The following EPS15L1 variants were observed in gnomAD, a reference collection of about 807,000 sequenced individuals.
EPS15L1 encodes epidermal growth factor receptor substrate 15-like 1.
Under a neutral mutation model 117.1 loss-of-function variants are expected in EPS15L1, and 43 were observed. The ratio of observed to expected loss-of-function variants is 0.37; its 90% CI spans 0.29 to 0.47. EPS15L1 has a LOEUF of 0.47. Among genes scored for constraint, EPS15L1 ranks in the 20% least tolerant of loss-of-function variants. EPS15L1 has a pLI of 0.99. For missense variants in EPS15L1, 981 were observed against 1,164.0 expected, an observed-to-expected ratio of 0.84 and a Z score of 2.29; for synonymous variants, 459 against 470.5, an observed-to-expected ratio of 0.98 and a Z score of 0.32.
intron 16 of EPS15L1, among the ~76,000 whole-genome samples, chr19:16,397,987 T>C (rs952813708): frequency 6.6e-6 from 1 of 152,136 alleles, no homozygotes; most frequent in Non-Finnish European, 1.5e-5. Flanking sequence ...AGTCCAGTAT[T>C]CCAACCGACC....
chr19:16,439,606 A>G (rs989218149), intron 4 of EPS15L1, among the ~76,000 whole-genome samples: 1 of 152,154 alleles, frequency 6.6e-6, no homozygotes, highest in Non-Finnish European at 1.5e-5. Flanking sequence ...GCAGAAGATC[A>G]CTTGAACCCA....
chr19:16,419,525 G>C (rs536712150), intron 10 of EPS15L1, among the ~76,000 whole-genome samples: 4 of 151,992 alleles, frequency 2.6e-5, no homozygotes, highest in African/African-American at 4.8e-5. Flanking sequence ...TAAGGACAAG[G>C]CCTTTGGCAT....
chr19:16,400,290 T>C (rs2092585203), intron 16 of EPS15L1, among the ~76,000 whole-genome samples: 1 of 150,862 alleles, frequency 6.6e-6, no homozygotes, highest in Non-Finnish European at 1.5e-5. Context: ...TGAGCTGAGA[T>C]TGTGCCACTG....
At chr19:16,418,850 C>G (rs889089655) in intron 10 of EPS15L1, among the ~76,000 whole-genome samples, 2 of 152,200 alleles carry the variant, frequency 1.3e-5, no homozygotes, top group South Asian at 4.1e-4. Flanking sequence ...AGTGAGCCCT[C>G]ACCAGACACT....
At chr19:16,427,050 C>G (rs1023830628) in intron 8 of EPS15L1, among the ~76,000 whole-genome samples, 4 of 152,004 alleles carry the variant, frequency 2.6e-5, no homozygotes, top group Non-Finnish European at 5.9e-5. Context: ...CACAGGAAAA[C>G]TTCGTGCAGC....
chr19:16,362,215 A>G (rs2092064978), intron 22 of EPS15L1, among the ~76,000 whole-genome samples: 1 of 152,214 alleles, frequency 6.6e-6, no homozygotes, highest in Admixed American at 6.5e-5. Context: ...GATGACTCCC[A>G]TACACAACGC....
intron 4 of EPS15L1, chr19:16,440,647 A>C (rs1170318442): frequency 1.1e-5 from 4 of 354,010 alleles, no homozygotes; most frequent in East Asian, 4.6e-5. Flanking sequence ...AAAATAAATA[A>C]ATAAATAAAT....
chr19:16,459,367 G>A (rs537373599), intron 1 of EPS15L1, among the ~76,000 whole-genome samples: 3 of 152,292 alleles, frequency 2.0e-5, no homozygotes, highest in East Asian at 1.9e-4. Flanking sequence ...TGTAATGACC[G>A]GCCCCTCTCA....
rs1018296159 is a variant in EPS15L1, at chr19:16,471,922, G to C, written c.24C>G (p.Leu8=). The C allele has an allele frequency of 3.1e-6, 4 of 1,298,802 alleles. No individual in the cohort carries two copies. Among genetic ancestry groups the C allele is most frequent in the Non-Finnish European group, 9.8e-7 (1 of 1,025,360 alleles). The allele number at this position is 1,298,802 out of a possible 1,614,324, so 80.5% of individuals were successfully genotyped here. A position where few individuals can be genotyped will look rare whatever the true frequency, so the allele number is the denominator to read the frequency against. ...CCCGCCCGGCCCGTACCTGCTGGGA[G>C]AGGGGGATGAGCGGCGCCGCCATCT... The part of the protein sequence containing the change: MAAPLIP[L]SQQIPTGNSL... Residue 8 remains leucine, a synonymous_variant, in exon 1 of 24, where the codon CTC becomes CTG. Coordinates refer to ENST00000455140, the MANE Select transcript of EPS15L1 (RefSeq NM_001258374.3). The surrounding 1 kb of genome is among the most constrained non-coding windows in gnomAD (Gnocchi z 4.8).
At chr19:16,400,009 T>C (rs562414787) in intron 16 of EPS15L1, among the ~76,000 whole-genome samples, 101 of 152,286 alleles carry the variant, frequency 6.6e-4, no homozygotes, top group Non-Finnish European at 1.1e-3. Context: ...ATTCTCATAA[T>C]CAGATGATAG....
At chr19:16,468,574 G>A (rs530376383) in intron 1 of EPS15L1, among the ~76,000 whole-genome samples, 10 of 152,304 alleles carry the variant, frequency 6.6e-5, no homozygotes, top group African/African-American at 2.4e-4. Flanking sequence ...TCGAGCTCCT[G>A]GCCTCAAGCA....
At chr19:16,418,793 T>G (rs1253299040) in intron 10 of EPS15L1, among the ~76,000 whole-genome samples, 3 of 152,174 alleles carry the variant, frequency 2.0e-5, no homozygotes, top group South Asian at 2.1e-4. Flanking sequence ...TCTGCTCCTT[T>G]TGCCATGTGA....
At chr19:16,428,200 CAAAA>C (rs923222630) in intron 8 of EPS15L1, among the ~76,000 whole-genome samples, 3 of 111,922 alleles carry the variant, frequency 2.7e-5, no homozygotes, top group Non-Finnish European at 1.8e-5. Context: ...GACTCCGTAT[CAAAA>C]AAAAAAAGAA....
chr19:16,462,210 C>A (rs2145184213), intron 1 of EPS15L1, among the ~76,000 whole-genome samples: 1 of 152,322 alleles, frequency 6.6e-6, no homozygotes, highest in Admixed American at 6.5e-5. Context: ...GTTGGTCCCA[C>A]AACATTCCCT....
In EPS15L1 at chr19:16,429,961, G is replaced by C. The variant is rs375195771; in HGVS notation, c.499-1200C>G. ...CAGCATTCCTGGCCTTGACCCACCAGATGCCAGCAGCACTCGACCCAGGTG... is the reference window on the plus strand; with the variant it reads ...CAGCATTCCTGGCCTTGACCCACCACATGCCAGCAGCACTCGACCCAGGTG... On this transcript the variant is annotated intron_variant, in intron 7 of 23. Coordinates refer to ENST00000455140, the MANE Select transcript of EPS15L1 (RefSeq NM_001258374.3). Among the ~76,000 whole-genome samples, 5 of 152,328 alleles carry C rather than the reference G, an allele frequency of 3.3e-5. No homozygotes were observed. In the South Asian group the frequency reaches 1.0e-3, roughly 32 times the overall value.
At chr19:16,386,482 G>A (rs1016934583) in intron 19 of EPS15L1, among the ~76,000 whole-genome samples, 4 of 152,250 alleles carry the variant, frequency 2.6e-5, no homozygotes, top group African/African-American at 9.6e-5. Flanking sequence ...AGGCTGGGAA[G>A]TGAACAAGAC....
intron 22 of EPS15L1, among the ~76,000 whole-genome samples, chr19:16,367,964 T>TGA (rs1471100416): frequency 6.9e-6 from 1 of 145,056 alleles, no homozygotes; most frequent in African/African-American, 2.6e-5. Flanking sequence ...GTAATAAACA[T>TGA]GAGAGTGAGA....
At chr19:16,375,106 C>T (rs2092277655) in intron 22 of EPS15L1, among the ~76,000 whole-genome samples, 1 of 152,134 alleles carries the variant, frequency 6.6e-6, no homozygotes, top group Admixed American at 6.5e-5. Flanking sequence ...TGTGTACTGA[C>T]AAGAGAATAT....
chr19:16,417,344 G>A (rs568464456), intron 12 of EPS15L1: 6 of 546,018 alleles, frequency 1.1e-5, no homozygotes, highest in African/African-American at 1.9e-5. Context: ...CAGATGCTAC[G>A]GGCTCTGGCT....
Sources: allele counts gnomAD v4.1 joint callset (sites outside exome capture counted in the v4.1 genomes callset), GRCh38; gene constraint gnomAD v4.1.1; non-coding constraint Gnocchi (gnomAD v3.1); transcripts MANE v1.5; gene names NCBI Gene and HGNC (gene_info 2026-07-23, HGNC 2026-07-21).